The following B3GALT1 variants were observed in gnomAD, a reference collection of about 807,000 sequenced individuals.
B3GALT1 encodes beta-1,3-galactosyltransferase 1.
Under a neutral mutation model 23.2 loss-of-function variants are expected in B3GALT1, and 10 were observed. That is an observed-to-expected ratio of 0.43 (90% confidence interval 0.27 to 0.73). The LOEUF (loss-of-function observed/expected upper bound fraction) is 0.73. Among genes scored for constraint, B3GALT1 ranks in the 30% least tolerant of loss-of-function variants. B3GALT1 has a pLI of 0.21. For synonymous variants in B3GALT1, 156 were observed against 141.5 expected, an observed-to-expected ratio of 1.10 and a Z score of -0.73; for missense variants, 299 against 405.4, an observed-to-expected ratio of 0.74 and a Z score of 2.25.
At chr2:167,597,386 A>G (rs1373621502) in intron 2 of B3GALT1, among the ~76,000 whole-genome samples, 1 of 152,100 alleles carries the variant, frequency 6.6e-6, no homozygotes. Context: ...AAGTGCTGGG[A>G]TTACAGGCAT....
intron 2 of B3GALT1, among the ~76,000 whole-genome samples, chr2:167,581,287 T>C (rs960589009): frequency 1.3e-5 from 2 of 152,310 alleles, no homozygotes; most frequent in South Asian, 4.1e-4. Context: ...CAATATAATA[T>C]ATGAACTGTG....
At chr2:167,495,036 GAT>G (rs1699762924) in intron 2 of B3GALT1, among the ~76,000 whole-genome samples, 1 of 152,126 alleles carries the variant, frequency 6.6e-6, no homozygotes, top group Non-Finnish European at 1.5e-5. Flanking sequence ...AAAACAAAAA[GAT>G]AAGGTAAAAT....
chr2:167,715,430 A>T (rs1033518983), intron 3 of B3GALT1: 2 of 1,609,664 alleles, frequency 1.2e-6, no homozygotes, highest in African/African-American at 2.7e-5. Flanking sequence ...ATTTTCACTC[A>T]AAGCATCTTT....
chr2:167,300,446 G>T (rs1696427117), intron 1 of B3GALT1, among the ~76,000 whole-genome samples: 1 of 152,146 alleles, frequency 6.6e-6, no homozygotes, highest in Non-Finnish European at 1.5e-5. Context: ...AAAATGTACA[G>T]ATATTCTAAA....
rs1369022828 is a variant in B3GALT1 at position 167,871,844 on chromosome 2, CAAAG to C, written c.*1829_*1832del. On this transcript the variant is annotated 3_prime_UTR_variant, in exon 5 of 5. Transcript: ENST00000392690. ...TTATTAGAAAACACCTGTTTGTTCT[CAAAG>C]AAAGCCCCACAGCTGAAAGAGTGTA... The C allele has an allele frequency of 6.9e-6, 1 of 145,014 alleles. No homozygotes were observed. Among genetic ancestry groups the C allele is most frequent in the Non-Finnish European group, 1.5e-5 (1 of 66,196 alleles). The allele number at this position is 145,014 out of a possible 1,614,324, so 9.0% of individuals were successfully genotyped here.
At chr2:167,842,530 A>T (rs1285129499) in intron 4 of B3GALT1, among the ~76,000 whole-genome samples, 1 of 152,240 alleles carries the variant, frequency 6.6e-6, no homozygotes, top group Non-Finnish European at 1.5e-5. Context: ...AATAAGTTGT[A>T]TTAAATATTT....
intron 1 of B3GALT1, among the ~76,000 whole-genome samples, chr2:167,387,353 CAT>C (rs1697944309): frequency 6.6e-6 from 1 of 152,104 alleles, no homozygotes; most frequent in Admixed American, 6.5e-5. Context: ...TAAGTAGAGT[CAT>C]ATAATGAAGC....
intron 2 of B3GALT1, among the ~76,000 whole-genome samples, chr2:167,632,641 T>C (rs1685470894): frequency 6.6e-6 from 1 of 152,036 alleles, no homozygotes. Context: ...TTTAAAGGAT[T>C]CGTTTGTTTT....
intron 2 of B3GALT1, among the ~76,000 whole-genome samples, chr2:167,625,728 CT>C (rs1367484410): frequency 2.0e-5 from 3 of 151,394 alleles, no homozygotes; most frequent in Non-Finnish European, 4.4e-5. Flanking sequence ...TAATTTTCTT[CT>C]TTTTAATCTT....
intron 2 of B3GALT1, among the ~76,000 whole-genome samples, chr2:167,513,223 C>G (rs1700054895): frequency 6.6e-6 from 1 of 151,950 alleles, no homozygotes; most frequent in South Asian, 2.1e-4. Flanking sequence ...AATAACCTCA[C>G]TTATTCATAT....
rs538996062 is a variant in B3GALT1 at position 167,754,642 on chromosome 2, T to C, written c.-351-64030T>C. ...GAGGAAAAAGATACAAAAGAATATA[T>C]ATAGCCAGGCCACTCACCTTGCTAC... On this transcript the variant is annotated intron_variant, in intron 3 of 4. Coordinates refer to ENST00000392690, the MANE Select transcript of B3GALT1 (RefSeq NM_020981.4). Among the ~76,000 whole-genome samples, 20 of 152,164 alleles carry C rather than the reference T, an allele frequency of 1.3e-4. No individual in the cohort carries two copies. In the South Asian group the frequency reaches 1.5e-3, roughly 11 times the overall value.
intron 3 of B3GALT1, among the ~76,000 whole-genome samples, chr2:167,698,819 G>A (rs531167474): frequency 2.3e-4 from 35 of 152,246 alleles, no homozygotes; most frequent in South Asian, 8.3e-4. Flanking sequence ...TGACATTTGC[G>A]TTTTTGACCC....
At chr2:167,623,500 G>C (rs1685295245) in intron 2 of B3GALT1, among the ~76,000 whole-genome samples, 1 of 152,016 alleles carries the variant, frequency 6.6e-6, no homozygotes, top group South Asian at 2.1e-4. Context: ...ACTTACAAAA[G>C]AACAGAAAAC....
At chr2:167,867,580 A>G (rs1484730582) in intron 4 of B3GALT1, among the ~76,000 whole-genome samples, 1 of 152,158 alleles carries the variant, frequency 6.6e-6, no homozygotes, top group East Asian at 1.9e-4. Flanking sequence ...CACATCGTGT[A>G]TTTTTATTTC....
chr2:167,787,174 G>A (rs896083050), intron 3 of B3GALT1, among the ~76,000 whole-genome samples: 2 of 152,144 alleles, frequency 1.3e-5, no homozygotes, highest in African/African-American at 4.8e-5. Context: ...GAGCCAGCAT[G>A]GGGTGAAATC....
intron 1 of B3GALT1, among the ~76,000 whole-genome samples, chr2:167,384,303 T>C (rs935671793): frequency 2.6e-5 from 4 of 152,200 alleles, no homozygotes; most frequent in African/African-American, 7.2e-5. Flanking sequence ...TCTTCCTCCC[T>C]GGGTGGTACA....
chr2:167,306,439 T>C (rs1440392312), intron 1 of B3GALT1, among the ~76,000 whole-genome samples: 2 of 152,072 alleles, frequency 1.3e-5, no homozygotes, highest in Non-Finnish European at 2.9e-5. Flanking sequence ...TTCCTCTTTA[T>C]TTTTATGTCC....
chr2:167,497,081 A>G (rs1189594012), intron 2 of B3GALT1, among the ~76,000 whole-genome samples: 1 of 152,218 alleles, frequency 6.6e-6, no homozygotes, highest in East Asian at 1.9e-4. Context: ...TCTGTTGCTT[A>G]TAGGCCATCT....
At chr2:167,644,943 A>G (rs1006236646) in intron 2 of B3GALT1, among the ~76,000 whole-genome samples, 1 of 152,160 alleles carries the variant, frequency 6.6e-6, no homozygotes, top group Admixed American at 6.5e-5. Flanking sequence ...ATGTTGATCT[A>G]AAGTGCTTAA....
Sources: allele counts gnomAD v4.1 joint callset (sites outside exome capture counted in the v4.1 genomes callset), GRCh38; gene constraint gnomAD v4.1.1; transcripts MANE v1.5; gene names NCBI Gene and HGNC (gene_info 2026-07-23, HGNC 2026-07-21).